The following SIRT7 variants were observed in gnomAD, a reference collection of about 807,000 sequenced individuals.
SIRT7 encodes sirtuin 7, also known as NAD-dependent protein deacetylase sirtuin-7.
In SIRT7, 32 loss-of-function variants were observed where a neutral mutation model predicts 42.8. The ratio of observed to expected loss-of-function variants is 0.75; its 90% CI spans 0.56 to 1.00. The LOEUF (loss-of-function observed/expected upper bound fraction) is 1.00. Ranked by LOEUF, SIRT7 falls within the 50% of genes least tolerant of loss-of-function variation. The pLI is 0.00. For missense variants in SIRT7, 553 were observed against 572.2 expected, an observed-to-expected ratio of 0.97 and a Z score of 0.34; for synonymous variants, 297 against 245.2, an observed-to-expected ratio of 1.21 and a Z score of -1.97.
intron 3 of SIRT7, 75 bp downstream of exon 3, chr17:81,917,540 G>A (rs1210926703): frequency 7.6e-7 from 1 of 1,321,086 alleles, no homozygotes; most frequent in Admixed American, 2.8e-5. Flanking sequence ...CCTTAGAGCT[G>A]CTTTAAAGGC....
At position 81,913,164 on chromosome 17, in the gene SIRT7, T is replaced by G; in HGVS notation, c.1005-550A>C. ...AAGTTAATGTAAAAAAAAAATACAG[T>G]ACACGATAGCCCACATCACAGAACA... On this transcript the variant is annotated intron_variant, in intron 9 of 9. Transcript: ENST00000328666. This position sits in a 1 kb window ranked among gnomAD's most constrained non-coding sequence, Gnocchi z 5.0. The G allele has an allele frequency of 2.5e-6, 1 of 405,200 alleles. No individual in the cohort carries two copies. Among genetic ancestry groups the G allele is most frequent in the Non-Finnish European group, 4.8e-6 (1 of 207,616 alleles). 25.1% of individuals were successfully genotyped at this position (405,200 alleles called of 1,614,324 possible). A position where few individuals can be genotyped will look rare whatever the true frequency, so the allele number is the denominator to read the frequency against.
Position 81,915,485 on chromosome 17 carries a change from T to C in SIRT7, c.435A>G (p.Pro145=), listed in dbSNP as rs773269658. 1.9e-6 allele frequency: 3 copies of C among 1,613,714 alleles called. No homozygotes were observed. Among genetic ancestry groups the C allele is most frequent in the Non-Finnish European group, 1.7e-6 (2 of 1,179,934 alleles). Residue 145 remains proline (P), a synonymous_variant, in exon 5 of 10, where the codon CCA becomes CCG. Transcript: ENST00000328666. ...VSAADLSEAE[P]TLTHMSITRL... ...GGGTGATGCTCATGTGGGTGAGGGT[T>C]GGCTCGGCCTCGCTCAGGTCGGCAG...
chr17:81,912,576 C>G lies in SIRT7; in HGVS notation c.1043G>C (p.Arg348Pro). ...ACTGTGGCTGCCTTCTTCACCAGCA[C>G]GCAGGGGAGTCGCCAGTGAGAAAAT... is the stretch of plus-strand genomic sequence containing the variant. Reference protein sequence around the residue: ...DPIFSLATPLRAGEEGSHSRK... With the variant: ...DPIFSLATPLPAGEEGSHSRK... The change falls in exon 10 of 10, where the codon CGT (arginine) becomes CCT (proline). Residue 348 changes from arginine to proline, a missense_variant. Transcript: ENST00000328666. The G allele has an allele frequency of 6.2e-7, 1 of 1,613,618 alleles. No individual in the cohort carries two copies. Among genetic ancestry groups the G allele is most frequent in the Non-Finnish European group, 8.5e-7 (1 of 1,180,002 alleles).
chr17:81,913,806 G>C lies in SIRT7; in HGVS notation c.972C>G (p.Ala324=), dbSNP rs200659114. ...AGGCGGGGATCTCCAAGCCCAGCTC[G>C]GCCATGAGGAGCCGCATGACGTCAT... ...KCDDVMRLLM[A]ELGLEIPAYS... is the part of the protein sequence containing the mutation. The change falls in exon 9 of 10, where the codon GCC becomes GCG. Residue 324 remains alanine (A), a synonymous_variant. Transcript: ENST00000328666. This position sits in a 1 kb window ranked among gnomAD's most constrained non-coding sequence, Gnocchi z 5.0. 16 of 1,548,986 alleles carry C rather than the reference G, an allele frequency of 1.0e-5. No individual in the cohort carries two copies. The highest frequency in any genetic ancestry group is 1.4e-5 in the Non-Finnish European group (16 of 1,147,104).
Position 81,912,615 on chromosome 17 carries a change from C to T in SIRT7, c.1005-1G>A. On this transcript the variant is annotated splice_acceptor_variant, in intron 9 of 9. Coordinates refer to ENST00000328666, the MANE Select transcript of SIRT7 (RefSeq NM_016538.3). LOFTEE classifies it high-confidence loss of function. ...CAGTGAGAAAATGGGATCCTGCCAC[C>T]TGCCAAAAAGGGAAAGCGGCATCAG... 6.2e-7 allele frequency: 1 copy of T among 1,612,734 alleles called. No individual in the cohort carries two copies. The highest frequency in any genetic ancestry group is 8.5e-7 in the Non-Finnish European group (1 of 1,179,740).
At position 81,916,233 on chromosome 17, in the gene SIRT7, A is replaced by T. The variant is rs928346700; in HGVS notation, c.337-552T>A. On this transcript the variant is annotated intron_variant, in intron 3 of 9. Coordinates refer to ENST00000328666, the MANE Select transcript of SIRT7 (RefSeq NM_016538.3). The stretch of plus-strand genomic sequence containing the variant: ...AAACAAACTGAGGCCCACAGAGGGC[A>T]CACAAGATATGCCAGGATCAAGGTG... 1.9e-5 allele frequency: 3 copies of T among 158,628 alleles called. No homozygotes were observed. The South Asian group carries it at 5.2e-4, about 27-fold the overall frequency. 9.8% of individuals were successfully genotyped at this position (158,628 alleles called of 1,614,324 possible). A position where few individuals can be genotyped will look rare whatever the true frequency, so the allele number is the denominator to read the frequency against.
chr17:81,918,142 G>A lies in SIRT7; in HGVS notation c.-11C>T. 6.5e-7 allele frequency: 1 copy of A among 1,543,046 alleles called. No homozygotes were observed. Among genetic ancestry groups the A allele is most frequent in the Non-Finnish European group, 8.7e-7 (1 of 1,155,396 alleles). On this transcript the variant is annotated 5_prime_UTR_variant, in exon 1 of 10. Coordinates refer to ENST00000328666, the MANE Select transcript of SIRT7 (RefSeq NM_016538.3). The stretch of plus-strand genomic sequence containing the variant: ...ACCCCCGGCTGCCATCGCTCCCCTG[G>A]AGACCTGCTCTTCCGCTTCCGCCTC...
rs1340023253 is a variant in SIRT7 at position 81,914,932 on chromosome 17, C to A, written c.481-230G>T. 3 of 570,622 alleles carry A rather than the reference C, an allele frequency of 5.3e-6. No individual in the cohort carries two copies. In the East Asian group the frequency reaches 8.9e-5, roughly 17 times the overall value. The allele number at this position is 570,622 out of a possible 1,614,324, so 35.3% of individuals were successfully genotyped here. A position where few individuals can be genotyped will look rare whatever the true frequency, so the allele number is the denominator to read the frequency against. On this transcript the variant is annotated intron_variant, in intron 5 of 9. Coordinates refer to ENST00000328666, the MANE Select transcript of SIRT7 (RefSeq NM_016538.3). ...CTGTCCTTCCTCCAGCCCTGATGCACCTGGAGTGGCTGGGAGGGCAAGAGG... is the reference window on the plus strand; with the variant it reads ...CTGTCCTTCCTCCAGCCCTGATGCAACTGGAGTGGCTGGGAGGGCAAGAGG...
chr17:81,917,916 G>A lies in SIRT7; in HGVS notation c.145C>T (p.Arg49Trp), dbSNP rs779335102. The change falls in exon 2 of 10, where the codon CGG (arginine) becomes TGG (tryptophan). Residue 49 changes from arginine (R) to tryptophan (W), a missense_variant. Arg to Trp is a moderately radical substitution (Grantham distance 101, BLOSUM62 -3). Coordinates refer to ENST00000328666, the MANE Select transcript of SIRT7 (RefSeq NM_016538.3). Reference sequence around the variant, plus strand: ...AGGTCCGCGCTCTCGGCCAGCAGCCGGCCCTCCTCGGCGCTGCGCTCCGCC... The same window carrying A: ...AGGTCCGCGCTCTCGGCCAGCAGCCAGCCCTCCTCGGCGCTGCGCTCCGCC... Reference protein sequence around the residue: ...AAAERSAEEGRLLAESADLVT... With the variant: ...AAAERSAEEGWLLAESADLVT... 243 of 1,414,236 alleles carry A rather than the reference G, an allele frequency of 1.7e-4. No individual in the cohort carries two copies. The highest frequency in any genetic ancestry group is 2.5e-4 in the Middle Eastern group (1 of 3,954). 87.6% of individuals were successfully genotyped at this position (1,414,236 alleles called of 1,614,324 possible).
At chr17:81,915,358 G>A (rs1406762718) in intron 5 of SIRT7, 82 bp downstream of exon 5, 3 of 1,465,364 alleles carry the variant, frequency 2.0e-6, no homozygotes, top group Non-Finnish European at 2.8e-6. Context: ...CAGACAGAGG[G>A]CGGGTGCAGT....
At chr17:81,914,191 C>T (rs746991014) in intron 7 of SIRT7, 24 bp from the exon 8 acceptor site, 1 of 1,613,474 alleles carries the variant, frequency 6.2e-7, no homozygotes, top group South Asian at 1.1e-5. Flanking sequence ...CAGACAGACA[C>T]CGCACACACA....
At chr17:81,914,258 G>C in intron 7 of SIRT7, 36 bp downstream of exon 7, 2 of 1,611,716 alleles carry the variant, frequency 1.2e-6, no homozygotes, top group Non-Finnish European at 1.7e-6. Context: ...CGGGCGGGCA[G>C]GGGCTCGGTT....
Position 81,914,414 on chromosome 17 carries a change from C to T in SIRT7, c.696G>A (p.Leu232=). ...GRTCHKCGTQ[L]RDTIVHFGER... ...CCCCAAAGTGCACAATGGTGTCCCG[C>T]AGCTGGGTCCCACACTTGTGGCAGG... Residue 232 remains leucine (L), a synonymous_variant, in exon 7 of 10, where the codon CTG becomes CTA. Coordinates refer to ENST00000328666, the MANE Select transcript of SIRT7 (RefSeq NM_016538.3). The T allele has an allele frequency of 6.2e-7, 1 of 1,613,356 alleles. No individual in the cohort carries two copies. Among genetic ancestry groups the T allele is most frequent in the African/African-American group, 1.3e-5 (1 of 75,050 alleles).
Position 81,915,146 on chromosome 17 carries a change from A to C in SIRT7, c.480+294T>G, listed in dbSNP as rs1281706226. On this transcript the variant is annotated intron_variant, in intron 5 of 9. Coordinates refer to ENST00000328666, the MANE Select transcript of SIRT7 (RefSeq NM_016538.3). ...AGATGTCCTATAAGCCTCCCCTGTG[A>C]CTAGGATGGCTTCTGAGGTCCACAG... 1.9e-5 allele frequency: 10 copies of C among 536,112 alleles called. No homozygotes were observed. The Admixed American group carries it at 2.8e-4, about 15-fold the overall frequency. The allele number at this position is 536,112 out of a possible 1,614,324, so 33.2% of individuals were successfully genotyped here.
intron 3 of SIRT7, 86 bp downstream of exon 3, chr17:81,917,529 A>T: frequency 8.5e-7 from 1 of 1,180,276 alleles, no homozygotes; most frequent in Non-Finnish European, 1.1e-6. Context: ...AAGAGAAAAA[A>T]CCTTAGAGCT....
intron 5 of SIRT7, 198 bp from the exon 6 acceptor site, chr17:81,914,900 G>A (rs1471927043): frequency 1.4e-5 from 8 of 591,320 alleles, no homozygotes; most frequent in African/African-American, 1.3e-4. Context: ...CCTGTGGTGG[G>A]GAGGGGCTGT....
chr17:81,914,180 A>T lies in SIRT7; in HGVS notation c.817-13T>A. On this transcript the variant is annotated splice_polypyrimidine_tract_variant and intron_variant, in intron 7 of 9. Coordinates refer to ENST00000328666, the MANE Select transcript of SIRT7 (RefSeq NM_016538.3). ...ACTTCTTTAGAACCTGTGGAAGCAG[A>T]CAGACAGACACCGCACACACACAAG... The T allele has an allele frequency of 6.2e-7, 1 of 1,605,566 alleles. No individual in the cohort carries two copies. The highest frequency in any genetic ancestry group is 8.5e-7 in the Non-Finnish European group (1 of 1,177,482).
At chr17:81,914,832 C>G (rs983127180) in intron 5 of SIRT7, 130 bp from the exon 6 acceptor site, 12 of 709,090 alleles carry the variant, frequency 1.7e-5, no homozygotes, top group South Asian at 1.3e-4. Context: ...CTCCGTCCCC[C>G]CAGAGAGCCT....
In SIRT7 at chr17:81,913,187, A is replaced by C. The variant is rs532455536; in HGVS notation, c.1005-573T>G. On this transcript the variant is annotated intron_variant, in intron 9 of 9. Coordinates refer to ENST00000328666, the MANE Select transcript of SIRT7 (RefSeq NM_016538.3). This position sits in a 1 kb window ranked among gnomAD's most constrained non-coding sequence, Gnocchi z 5.0. ...AGTACACGATAGCCCACATCACAGA[A>C]CACCACACACATAACATACAAGAAG... is the stretch of plus-strand genomic sequence containing the variant. 37 of 440,212 alleles carry C rather than the reference A, an allele frequency of 8.4e-5. No individual in the cohort carries two copies. Among genetic ancestry groups the C allele is most frequent in the South Asian group, 4.9e-4 (30 of 61,420 alleles). 27.3% of individuals were successfully genotyped at this position (440,212 alleles called of 1,614,324 possible). A position where few individuals can be genotyped will look rare whatever the true frequency, so the allele number is the denominator to read the frequency against.
Sources: gnomAD v4.1 joint callset for allele counts on GRCh38, gnomAD v4.1.1 for gene constraint, Gnocchi (gnomAD v3.1) non-coding constraint, MANE v1.5 for transcripts, NCBI Gene and HGNC (gene_info 2026-07-23, HGNC 2026-07-21) for gene names.